Variants in KCNIP4 observed in about 807,000 individuals in gnomAD.
The protein encoded by KCNIP4 is potassium voltage-gated channel interacting protein 4.
In KCNIP4, 12 loss-of-function variants were observed where a neutral mutation model predicts 34.0. The ratio of observed to expected loss-of-function variants is 0.35; its 90% CI spans 0.23 to 0.57. The LOEUF is 0.57. Ranked by LOEUF, KCNIP4 falls within the 20% of genes least tolerant of loss-of-function variation. KCNIP4 has a pLI of 0.83. For missense variants in KCNIP4, 238 were observed against 311.7 expected (o/e 0.76, Z 1.78); for synonymous variants, 124 against 102.2 (o/e 1.21, Z -1.29).
chr4:21,639,010 G>T (rs994516186), intron 1 of KCNIP4, among the ~76,000 whole-genome samples: 1 of 152,202 alleles, frequency 6.6e-6, no homozygotes, highest in African/African-American at 2.4e-5. Flanking sequence ...ATGAGACTTT[G>T]TCAAGGCATA....
At chr4:21,811,613 A>G (rs1721658248) in intron 1 of KCNIP4, among the ~76,000 whole-genome samples, 5 of 152,214 alleles carry the variant, frequency 3.3e-5, no homozygotes, top group Admixed American at 3.3e-4. Context: ...TTTAAAGAGT[A>G]AATAACTGGA....
chr4:21,214,644 T>A (rs1423436229), intron 1 of KCNIP4, among the ~76,000 whole-genome samples: 2 of 152,186 alleles, frequency 1.3e-5, no homozygotes, highest in Admixed American at 6.5e-5. Context: ...TTGAATACAA[T>A]CTTACTTCTG....
chr4:21,736,223 TG>T (rs1163636736), intron 1 of KCNIP4, among the ~76,000 whole-genome samples: 1 of 152,102 alleles, frequency 6.6e-6, no homozygotes, highest in Non-Finnish European at 1.5e-5. Flanking sequence ...ACTGAGATTT[TG>T]GGGGTTACTC....
Position 21,903,080 on chromosome 4 carries a change from T to C in KCNIP4, c.61+45491A>G, listed in dbSNP as rs887587506. ...GGGTGATCACTGGTCATTTACATCC[T>C]ACTTTATCACGTAGCCACTGGTGCA... On this transcript the variant is annotated intron_variant, in intron 1 of 8. Coordinates refer to ENST00000382152, the MANE Select transcript of KCNIP4 (RefSeq NM_025221.6). Among the ~76,000 whole-genome samples, 3 of 152,198 alleles carry C rather than the reference T, an allele frequency of 2.0e-5. No individual in the cohort carries two copies. The East Asian group carries it at 5.8e-4, about 29-fold the overall frequency.
intron 1 of KCNIP4, among the ~76,000 whole-genome samples, chr4:21,701,598 G>A (rs2109062987): frequency 6.6e-6 from 1 of 152,054 alleles, no homozygotes; most frequent in Non-Finnish European, 1.5e-5. Flanking sequence ...AGTCTTCTAG[G>A]GTTAAGAGAA....
At chr4:20,758,929 T>C (rs573129011) in intron 3 of KCNIP4, 39 bp from the exon 4 acceptor site, 1 of 1,560,932 alleles carries the variant, frequency 6.4e-7, no homozygotes, top group African/African-American at 1.4e-5. Flanking sequence ...AGCAAAGTGT[T>C]CATAAAACTG....
At chr4:21,530,569 T>G (rs541770244) in intron 1 of KCNIP4, among the ~76,000 whole-genome samples, 3 of 152,168 alleles carry the variant, frequency 2.0e-5, no homozygotes, top group African/African-American at 4.8e-5. Flanking sequence ...ATATAATATA[T>G]TAATGCACAA....
At chr4:20,873,063 T>C (rs1298429823) in intron 2 of KCNIP4, among the ~76,000 whole-genome samples, 1 of 152,212 alleles carries the variant, frequency 6.6e-6, no homozygotes, top group African/African-American at 2.4e-5. Context: ...CAAATTGTTT[T>C]TCAATATTTC....
intron 1 of KCNIP4, among the ~76,000 whole-genome samples, chr4:21,390,001 C>G (rs202092878): frequency 0.74 from 96,860 of 130,212 alleles, 38,173 homozygotes; most frequent in Non-Finnish European, 0.88. Context: ...CTTCTAACTA[C>G]TGTGAGATGG....
intron 1 of KCNIP4, among the ~76,000 whole-genome samples, chr4:21,218,278 G>C (rs1303403039): frequency 3.9e-5 from 6 of 152,000 alleles, no homozygotes. Context: ...GCCTTCCAAA[G>C]TGCTGGGATT....
intron 1 of KCNIP4, among the ~76,000 whole-genome samples, chr4:21,442,047 T>A (rs1727527791): frequency 6.6e-6 from 1 of 152,176 alleles, no homozygotes; most frequent in African/African-American, 2.4e-5. Flanking sequence ...TTTCGTTTTG[T>A]GTTGTGTTGT....
chr4:20,948,034 C>A (rs1732378328), intron 1 of KCNIP4, among the ~76,000 whole-genome samples: 1 of 152,128 alleles, frequency 6.6e-6, no homozygotes, highest in African/African-American at 2.4e-5. Context: ...CCATGGAAAG[C>A]CAACGAGGGG....
intron 1 of KCNIP4, among the ~76,000 whole-genome samples, chr4:21,630,101 T>A (rs1745640122): frequency 6.6e-6 from 1 of 150,890 alleles, no homozygotes; most frequent in East Asian, 2.0e-4. Context: ...TGGGCTCAAG[T>A]GATCCTTCCA....
intron 1 of KCNIP4, among the ~76,000 whole-genome samples, chr4:21,723,872 G>A (rs1349078913): frequency 6.6e-6 from 1 of 152,082 alleles, no homozygotes; most frequent in Non-Finnish European, 1.5e-5. Flanking sequence ...CCTTCTCTCT[G>A]TAGGGCATTA....
At chr4:20,762,683 A>C (rs1196179311) in intron 3 of KCNIP4, among the ~76,000 whole-genome samples, 1 of 152,252 alleles carries the variant, frequency 6.6e-6, no homozygotes, top group Non-Finnish European at 1.5e-5. Context: ...TTGCTGCTGT[A>C]AAATTAGGCC....
intron 1 of KCNIP4, among the ~76,000 whole-genome samples, chr4:21,344,720 G>C (rs183989037): frequency 6.6e-6 from 1 of 152,246 alleles, no homozygotes; most frequent in Admixed American, 6.5e-5. Context: ...ATAGGCATCA[G>C]TATTCCAAAT....
chr4:20,905,522 T>TTTTTTTTTTTTTTTTTG lies in KCNIP4; in HGVS notation c.62-22814_62-22813insCAAAAAAAAAAAAAAAA, dbSNP rs768668990. The stretch of plus-strand genomic sequence containing the variant: ...AACGTTTTCTTTCTTTTTTTTTTTT[T>TTTTTTTTTTTTTTTTTG]TTTGTTTGAGATGGAGTCTTGCTCT... On this transcript the variant is annotated intron_variant, in intron 1 of 8. Coordinates refer to ENST00000382152, the MANE Select transcript of KCNIP4 (RefSeq NM_025221.6). 7.5e-4 allele frequency among the ~76,000 whole-genome samples: 83 copies of TTTTTTTTTTTTTTTTTG among 111,198 alleles called. 2 individuals carry two copies. The highest frequency in any genetic ancestry group is 9.3e-4 in the Non-Finnish European group (51 of 54,866). 73.0% of individuals were successfully genotyped at this position (111,198 alleles called of 152,430 possible). A position where few individuals can be genotyped will look rare whatever the true frequency, so the allele number is the denominator to read the frequency against.
intron 3 of KCNIP4, among the ~76,000 whole-genome samples, chr4:20,804,156 T>C (rs1007014368): frequency 7.2e-5 from 11 of 152,202 alleles, no homozygotes; most frequent in African/African-American, 2.7e-4. Context: ...TTATTTTCCA[T>C]GCTTTATCTC....
At chr4:21,461,038 T>C (rs13103488) in intron 1 of KCNIP4, among the ~76,000 whole-genome samples, 17,800 of 152,146 alleles carry the variant, frequency 0.12, 1,233 homozygotes, top group South Asian at 0.16. Context: ...GGTTTGGCTC[T>C]GTGTCTGCAC....
Sources: allele counts gnomAD v4.1 joint callset (sites outside exome capture counted in the v4.1 genomes callset), GRCh38; gene constraint gnomAD v4.1.1; transcripts MANE v1.5; gene names NCBI Gene and HGNC (gene_info 2026-07-23, HGNC 2026-07-21).